ITPRID2: variants seen among roughly 807,000 people sequenced by gnomAD.
The protein encoded by ITPRID2 is protein ITPRID2.
Under a neutral mutation model 124.3 loss-of-function variants are expected in ITPRID2, and 60 were observed. The ratio of observed to expected loss-of-function variants is 0.48; its 90% CI spans 0.39 to 0.60. ITPRID2 has a LOEUF of 0.60. ITPRID2 is among the 20% of genes least tolerant of loss of function. The pLI, the probability that ITPRID2 is intolerant of heterozygous loss-of-function variation, is 0.00. For synonymous variants in ITPRID2, 521 were observed against 542.9 expected, an observed-to-expected ratio of 0.96 and a Z score of 0.56; for missense variants, 1,553 against 1,512.2, an observed-to-expected ratio of 1.03 and a Z score of -0.45.
Position 181,918,793 on chromosome 2 carries a change from G to C in ITPRID2, c.2904G>C (p.Leu968=). 6.2e-7 allele frequency: 1 copy of C among 1,614,158 alleles called. No individual in the cohort carries two copies. The highest frequency in any genetic ancestry group is 8.5e-7 in the Non-Finnish European group (1 of 1,180,012). ...AGCTCCAGGTAATGAGGCGGAGCCTGAATTTGTTTAGAACACAAATGATGG... is the reference window on the plus strand; with the variant it reads ...AGCTCCAGGTAATGAGGCGGAGCCTCAATTTGTTTAGAACACAAATGATGG... The part of the protein sequence containing the change: ...FQELQVMRRS[L]NLFRTQMMDL... Residue 968 remains leucine, a synonymous_variant, in exon 13 of 18, where the codon CTG becomes CTC. Coordinates refer to ENST00000431877, the MANE Select transcript of ITPRID2 (RefSeq NM_001130445.3).
chr2:181,902,138 A>T lies in ITPRID2; in HGVS notation c.1085A>T (p.Glu362Val), dbSNP rs776527250. 29 of 1,613,368 alleles carry T rather than the reference A, an allele frequency of 1.8e-5. No homozygotes were observed. Among genetic ancestry groups the T allele is most frequent in the African/African-American group, 4.0e-5 (3 of 74,926 alleles). The part of the protein sequence containing the change: ...SSSMLATVKE[E>V]VSGSSAAVTE... ...TCTATGTTGGCTACAGTTAAAGAAG[A>T]AGTCTCTGGTAGTTCAGCAGCTGTT... is the stretch of plus-strand genomic sequence containing the variant. The change falls in exon 8 of 18, where the codon GAA becomes GTA. Residue 362 changes from glutamate (E) to valine (V), a missense_variant. By Grantham distance (121) the Glu-to-Val change is moderately radical. Coordinates refer to ENST00000431877, the MANE Select transcript of ITPRID2 (RefSeq NM_001130445.3). The surrounding 1 kb of genome is among the most constrained non-coding windows in gnomAD (Gnocchi z 4.4).
In ITPRID2 at chr2:181,929,713, A is replaced by G. The variant is rs901339851; in HGVS notation, c.*166A>G. 4.0e-6 allele frequency: 5 copies of G among 1,242,028 alleles called. No homozygotes were observed. Among genetic ancestry groups the G allele is most frequent in the Admixed American group, 2.3e-5 (1 of 44,072 alleles). The allele number at this position is 1,242,028 out of a possible 1,614,324, so 76.9% of individuals were successfully genotyped here. On this transcript the variant is annotated 3_prime_UTR_variant, in exon 18 of 18. Coordinates refer to ENST00000431877, the MANE Select transcript of ITPRID2 (RefSeq NM_001130445.3). ...ATTTCTTCAACCATATATTTTAAAA[A>G]GACGTACATAGAAACTTAGGCACTT...
Position 181,892,450 on chromosome 2 carries a change from C to T in ITPRID2, c.212-165C>T. 8.8e-7 allele frequency: 1 copy of T among 1,131,354 alleles called. No individual in the cohort carries two copies. Among genetic ancestry groups the T allele is most frequent in the Non-Finnish European group, 1.3e-6 (1 of 786,016 alleles). The allele number at this position is 1,131,354 out of a possible 1,614,324, so 70.1% of individuals were successfully genotyped here. ...CTGAACGAGGCGCCCCCAGCGTCAA[C>T]ACAGACAACTGGGTGCCATCCGATT... On this transcript the variant is annotated intron_variant, in intron 1 of 17. Transcript: ENST00000431877. This position sits in a 1 kb window ranked among gnomAD's most constrained non-coding sequence, Gnocchi z 5.2.
intron 2 of ITPRID2, among the ~76,000 whole-genome samples, chr2:181,895,313 A>T (rs868817079): frequency 6.6e-6 from 1 of 152,106 alleles, no homozygotes; most frequent in Non-Finnish European, 1.5e-5. Context: ...TGTATTTGAA[A>T]AAAAGATATT....
chr2:181,926,340 G>T (rs1384646273), intron 16 of ITPRID2, among the ~76,000 whole-genome samples: 1 of 152,142 alleles, frequency 6.6e-6, no homozygotes, highest in Non-Finnish European at 1.5e-5. Flanking sequence ...CATGCTTGAT[G>T]GTAGGGATTC....
chr2:181,901,001 T>C (rs1692623314), intron 7 of ITPRID2, 97 bp downstream of exon 7: 2 of 965,480 alleles, frequency 2.1e-6, no homozygotes, highest in Non-Finnish European at 1.5e-6. Context: ...GGAATAGCAC[T>C]GGAAAGTAAA....
intron 6 of ITPRID2, 29 bp downstream of exon 6, chr2:181,899,141 T>C: frequency 6.8e-7 from 1 of 1,479,816 alleles, no homozygotes; most frequent in South Asian, 1.2e-5. Context: ...GTGTTGGAAT[T>C]ACATTGTGCT....
chr2:181,929,428 A>T (rs1695118441), intron 17 of ITPRID2, 133 bp from the exon 18 acceptor site: 1 of 496,480 alleles, frequency 2.0e-6, no homozygotes, highest in South Asian at 4.1e-5. Flanking sequence ...TCTCAGGAAG[A>T]TGTATAGAGA....
At chr2:181,921,213 C>T (rs1022501851) in intron 15 of ITPRID2, among the ~76,000 whole-genome samples, 3 of 151,010 alleles carry the variant, frequency 2.0e-5, no homozygotes, top group Admixed American at 6.6e-5. Flanking sequence ...TGTGGTGGCT[C>T]ATGCCTGTAA....
In ITPRID2 at chr2:181,905,093, AC is replaced by A. The variant is rs1258143720; in HGVS notation, c.1413+2630del. ...TTTTGAGACGGAGTCGCGCATTGTC[AC>A]CCGGGAGTGCAGTGGTGCAATCTTG... On this transcript the variant is annotated intron_variant, in intron 8 of 17. Transcript: ENST00000431877. The surrounding 1 kb of genome is among the most constrained non-coding windows in gnomAD (Gnocchi z 4.1). Among the ~76,000 whole-genome samples the A allele has an allele frequency of 4.3e-5, 6 of 139,988 alleles. No individual in the cohort carries two copies. The highest frequency in any genetic ancestry group is 3.8e-4 in the Admixed American group (5 of 13,216). 91.8% of individuals were successfully genotyped at this position (139,988 alleles called of 152,430 possible). A position where few individuals can be genotyped will look rare whatever the true frequency, so the allele number is the denominator to read the frequency against.
intron 16 of ITPRID2, among the ~76,000 whole-genome samples, chr2:181,924,627 A>G (rs189013351): frequency 2.2e-4 from 34 of 152,360 alleles, no homozygotes; most frequent in Middle Eastern, 6.8e-3. Context: ...CATGAAAACA[A>G]TGGTATCTGT....
intron 16 of ITPRID2, among the ~76,000 whole-genome samples, chr2:181,923,657 T>C (rs1694648022): frequency 6.6e-6 from 1 of 152,164 alleles, no homozygotes; most frequent in South Asian, 2.1e-4. Context: ...ATTTGCTAAC[T>C]GAGGAAGTGG....
intron 8 of ITPRID2, among the ~76,000 whole-genome samples, chr2:181,909,127 TA>T (rs1474319594): frequency 6.6e-6 from 1 of 152,116 alleles, no homozygotes; most frequent in Non-Finnish European, 1.5e-5. Flanking sequence ...AAAAGACAAC[TA>T]AGTTTGATAT....
intron 10 of ITPRID2, 112 bp from the exon 11 acceptor site, chr2:181,915,104 C>T: frequency 7.9e-7 from 1 of 1,270,924 alleles, no homozygotes; most frequent in South Asian, 1.5e-5. Context: ...ACAGCAGGGC[C>T]ACAACTGCAG....
chr2:181,928,869 G>GC (rs1327191078), intron 17 of ITPRID2, among the ~76,000 whole-genome samples: 1 of 151,858 alleles, frequency 6.6e-6, no homozygotes, highest in African/African-American at 2.4e-5. Context: ...CTCGTGATCC[G>GC]CCCGCCTCGG....
rs562596702 is a variant in ITPRID2 at position 181,930,475 on chromosome 2, G to T, written c.*928G>T. 1 of 152,368 alleles carries T rather than the reference G, an allele frequency of 6.6e-6. No homozygotes were observed. The highest frequency in any genetic ancestry group is 1.5e-5 in the Non-Finnish European group (1 of 67,926). 9.4% of individuals were successfully genotyped at this position (152,368 alleles called of 1,614,324 possible). ...TGTTTTTATGAAAAAAAAGGAAAAT[G>T]GTTTCCCATTTGGTTTTATATGTGT... is the stretch of plus-strand genomic sequence containing the variant. On this transcript the variant is annotated 3_prime_UTR_variant, in exon 18 of 18. Coordinates refer to ENST00000431877, the MANE Select transcript of ITPRID2 (RefSeq NM_001130445.3).
chr2:181,916,187 C>T lies in ITPRID2; in HGVS notation c.2547C>T (p.Ile849=), dbSNP rs1362909281. 1.2e-6 allele frequency: 2 copies of T among 1,614,232 alleles called. No homozygotes were observed. The highest frequency in any genetic ancestry group is 1.3e-5 in the African/African-American group (1 of 75,070). ...AGTCTACCTGTTCCCTTCATTCCAT[C>T]CACTCTGAGTGGCAAGAAAGGCCCC... is the stretch of plus-strand genomic sequence containing the variant. ...MSQSTCSLHS[I]HSEWQERPLC... Residue 849 remains isoleucine, a synonymous_variant, in exon 11 of 18, where the codon ATC becomes ATT. Coordinates refer to ENST00000431877, the MANE Select transcript of ITPRID2 (RefSeq NM_001130445.3).
rs1438163080 is a variant in ITPRID2, at chr2:181,916,353, C to T, written c.2713C>T (p.Pro905Ser). The T allele has an allele frequency of 6.2e-7, 1 of 1,614,096 alleles. No individual in the cohort carries two copies. The highest frequency in any genetic ancestry group is 8.5e-7 in the Non-Finnish European group (1 of 1,180,044). ...TYPYRVCSVNPPSAIEMQLRR... is the reference protein window; with the variant it reads ...TYPYRVCSVNSPSAIEMQLRR... ...CCCTTACCGAGTGTGCTCTGTGAAT[C>T]CTCCTTCAGCCATAGAAATGCAGTT... The change falls in exon 11 of 18, where the codon CCT becomes TCT. Residue 905 changes from proline to serine, a missense_variant. Transcript: ENST00000431877.
At chr2:181,898,959 G>A (rs761052996) in intron 5 of ITPRID2, 40 bp downstream of exon 5, 29 of 1,592,396 alleles carry the variant, frequency 1.8e-5, no homozygotes, top group Non-Finnish European at 2.4e-5. Flanking sequence ...AAAAAATGAA[G>A]ACCTTTAATG....
Sources: gnomAD v4.1 joint callset for allele counts (sites outside exome capture counted in the v4.1 genomes callset) on GRCh38, gnomAD v4.1.1 for gene constraint, Gnocchi (gnomAD v3.1) non-coding constraint, MANE v1.5 for transcripts, NCBI Gene and HGNC (gene_info 2026-07-23, HGNC 2026-07-21) for gene names.